The following PLB1 variants were observed in gnomAD, a reference collection of about 807,000 sequenced individuals.
The protein encoded by PLB1 is phospholipase B1, membrane-associated.
A neutral mutation model predicts 227.4 loss-of-function variants in PLB1; 242 were observed. The observed-to-expected ratio is 1.06, with a 90% confidence interval of 0.96 to 1.18. PLB1 has a LOEUF of 1.18. Ranked by LOEUF, PLB1 falls within the 50% of genes most tolerant of loss-of-function variation. The probability of loss-of-function intolerance (pLI) is 0.00; values close to 1 mark genes in which losing one functional copy is unlikely to be tolerated. For missense variants in PLB1, 1,858 were observed against 1,816.3 expected, an observed-to-expected ratio of 1.02 and a Z score of -0.42; for synonymous variants, 757 against 682.2, an observed-to-expected ratio of 1.11 and a Z score of -1.71.
At chr2:28,563,980 C>T (rs1212885275) in intron 18 of PLB1, among the ~76,000 whole-genome samples, 1 of 152,058 alleles carries the variant, frequency 6.6e-6, no homozygotes, top group Non-Finnish European at 1.5e-5. Flanking sequence ...TGGCTCACAT[C>T]TATAATCTCA....
chr2:28,501,426 T>A (rs1188755611), intron 1 of PLB1, among the ~76,000 whole-genome samples: 2 of 152,224 alleles, frequency 1.3e-5, no homozygotes, highest in African/African-American at 4.8e-5. Context: ...CTTGAATTTT[T>A]TTTTGTTCTT....
chr2:28,625,998 C>CT (rs774136235), intron 50 of PLB1, among the ~76,000 whole-genome samples: 2,218 of 137,028 alleles, frequency 0.016, 16 homozygotes, highest in South Asian at 0.044. Flanking sequence ...TGTTGCTTTT[C>CT]TTTTTTTTTT....
chr2:28,626,265 G>A (rs1687759790), intron 50 of PLB1, among the ~76,000 whole-genome samples, 163 bp from the exon 51 acceptor site: 1 of 152,088 alleles, frequency 6.6e-6, no homozygotes, highest in African/African-American at 2.4e-5. Context: ...CAAAGTGCTG[G>A]GATTACAGGT....
intron 13 of PLB1, among the ~76,000 whole-genome samples, chr2:28,542,088 C>A (rs1397592689): frequency 1.3e-5 from 2 of 151,262 alleles, no homozygotes; most frequent in South Asian, 2.1e-4. Flanking sequence ...AGCTGAGATC[C>A]TGCCACTGCA....
chr2:28,619,792 A>T (rs1686756962), intron 46 of PLB1, among the ~76,000 whole-genome samples: 1 of 152,156 alleles, frequency 6.6e-6, no homozygotes, highest in Non-Finnish European at 1.5e-5. Flanking sequence ...GGAAAGTAGA[A>T]ACCAGATTAT....
chr2:28,590,223 G>A, intron 29 of PLB1, 147 bp downstream of exon 29: 2 of 728,390 alleles, frequency 2.7e-6, no homozygotes, highest in Non-Finnish European at 4.7e-6. Context: ...TGCCCCATCT[G>A]GTTGTACTGA....
intron 15 of PLB1, among the ~76,000 whole-genome samples, chr2:28,549,315 C>T (rs1266104091): frequency 6.6e-6 from 1 of 150,616 alleles, no homozygotes; most frequent in Non-Finnish European, 1.5e-5. Flanking sequence ...ATTTTGACTA[C>T]ATCTTAAATA....
intron 1 of PLB1, among the ~76,000 whole-genome samples, chr2:28,498,783 A>G (rs1302116679): frequency 6.6e-6 from 1 of 152,220 alleles, no homozygotes; most frequent in Non-Finnish European, 1.5e-5. Flanking sequence ...TCTGTTTTTG[A>G]GAAAAGAAGT....
intron 3 of PLB1, 88 bp from the exon 4 acceptor site, chr2:28,519,617 T>G (rs1669252215): frequency 3.1e-6 from 3 of 983,210 alleles, no homozygotes; most frequent in Non-Finnish European, 4.7e-6. Context: ...GGCTGGGGAA[T>G]GTGAGTCTCC....
In PLB1 at chr2:28,538,307, C is replaced by T. The variant is rs1304267826; in HGVS notation, c.556-12C>T. ...GCAGGCACCCTCACTTAGCACGGTT[C>T]TCCTCTCACAGAATGGGCTTGCGGC... is the stretch of plus-strand genomic sequence containing the variant. On this transcript the variant is annotated splice_polypyrimidine_tract_variant and intron_variant, in intron 9 of 57. Transcript: ENST00000327757. 9.3e-6 allele frequency: 15 copies of T among 1,614,116 alleles called. No homozygotes were observed. The Middle Eastern group carries it at 6.6e-4, about 71-fold the overall frequency.
intron 26 of PLB1, among the ~76,000 whole-genome samples, chr2:28,586,236 G>A (rs1414882943): frequency 6.6e-6 from 1 of 152,192 alleles, no homozygotes; most frequent in Non-Finnish European, 1.5e-5. Context: ...CAGCTCCTGG[G>A]TGGGAAACGG....
intron 10 of PLB1, among the ~76,000 whole-genome samples, chr2:28,538,647 C>T (rs1243723760): frequency 1.3e-5 from 2 of 152,206 alleles, no homozygotes; most frequent in Non-Finnish European, 2.9e-5. Context: ...AGGCCTCTCT[C>T]TACCTGAGAC....
At chr2:28,568,445 G>A (rs1404661932) in intron 20 of PLB1, among the ~76,000 whole-genome samples, 1 of 152,230 alleles carries the variant, frequency 6.6e-6, no homozygotes, top group East Asian at 1.9e-4. Flanking sequence ...CCGCTATTTA[G>A]ACTCTTCTTG....
At chr2:28,620,226 C>CTA in intron 46 of PLB1, 39 bp from the exon 47 acceptor site, 1 of 1,502,926 alleles carries the variant, frequency 6.7e-7, no homozygotes. Flanking sequence ...TGCCCTCAGC[C>CTA]TATACCCCAG....
At chr2:28,572,803 A>G (rs1678233183) in intron 20 of PLB1, among the ~76,000 whole-genome samples, 3 of 152,320 alleles carry the variant, frequency 2.0e-5, no homozygotes, top group Admixed American at 1.3e-4. Context: ...GGTGATGAAA[A>G]TATTCTAAAG....
intron 1 of PLB1, among the ~76,000 whole-genome samples, chr2:28,507,429 G>A (rs1667757255): frequency 1.3e-5 from 2 of 152,244 alleles, no homozygotes; most frequent in South Asian, 2.1e-4. Flanking sequence ...ATGAGGGTAC[G>A]ACAGAGACAA....
intron 2 of PLB1, 51 bp downstream of exon 2, chr2:28,516,920 GATTTTCCTTGT>G (rs1272544931): frequency 1.3e-6 from 2 of 1,575,212 alleles, no homozygotes; most frequent in Non-Finnish European, 1.7e-6. Flanking sequence ...GGAGAGGGAG[GATTTTCCTTGT>G]AGTGGGTAAA....
At chr2:28,607,691 T>G (rs538745305) in intron 43 of PLB1, among the ~76,000 whole-genome samples, 1 of 152,078 alleles carries the variant, frequency 6.6e-6, no homozygotes, top group Admixed American at 6.5e-5. Flanking sequence ...GTGCCAGGTG[T>G]AAACTCTTTA....
intron 21 of PLB1, among the ~76,000 whole-genome samples, chr2:28,574,020 G>T (rs767677555): frequency 6.6e-6 from 1 of 152,218 alleles, no homozygotes; most frequent in Non-Finnish European, 1.5e-5. Flanking sequence ...CGGTCCCCAA[G>T]AGTGGGCAGG....
Sources: allele counts gnomAD v4.1 joint callset (sites outside exome capture counted in the v4.1 genomes callset), GRCh38; gene constraint gnomAD v4.1.1; transcripts MANE v1.5; gene names NCBI Gene and HGNC (gene_info 2026-07-23, HGNC 2026-07-21).